The following H2AZ2 variants were observed in gnomAD, a reference collection of about 807,000 sequenced individuals.
H2AZ2 encodes the protein H2A.Z variant histone 2.
H2AZ2 carries 5 observed loss-of-function variants against 15.5 expected under a neutral mutation model. The ratio of observed to expected loss-of-function variants is 0.32; its 90% CI spans 0.17 to 0.68. The LOEUF is 0.68. Ranked by LOEUF, H2AZ2 falls within the 30% of genes least tolerant of loss-of-function variation. The probability of loss-of-function intolerance (pLI) is 0.72; values close to 1 mark genes in which losing one functional copy is unlikely to be tolerated. For missense variants in H2AZ2, 42 were observed against 162.5 expected, an observed-to-expected ratio of 0.26 and a Z score of 4.03; for synonymous variants, 44 against 57.4, an observed-to-expected ratio of 0.77 and a Z score of 1.05.
At chr7:44,835,955 CTTTT>C (rs56386314) in intron 3 of H2AZ2, among the ~76,000 whole-genome samples, 93 of 90,872 alleles carry the variant, frequency 1.0e-3, no homozygotes, top group African/African-American at 1.8e-3. Context: ...TTAGAAAAGT[CTTTT>C]TTTTTTTTTT....
At chr7:44,835,389 A>G (rs1793094769) in intron 4 of H2AZ2, 140 bp downstream of exon 4, 2 of 575,602 alleles carry the variant, frequency 3.5e-6, no homozygotes, top group African/African-American at 3.8e-5. Flanking sequence ...AAAAGCTTAG[A>G]ATTGTTATAG....
chr7:44,835,920 T>G (rs1793107610), intron 3 of H2AZ2, among the ~76,000 whole-genome samples: 1 of 151,440 alleles, frequency 6.6e-6, no homozygotes, highest in African/African-American at 2.4e-5. Flanking sequence ...TATTACCCCT[T>G]AGCCAAGATG....
rs150493528 is a variant in H2AZ2, at chr7:44,833,083, T to C, written c.*1418A>G. ...TTTTTTTTGAGACAGAGTCACACTCTGTCACCTAGGCTGGAGTGTAGTGGC... is the reference window on the plus strand; with the variant it reads ...TTTTTTTTGAGACAGAGTCACACTCCGTCACCTAGGCTGGAGTGTAGTGGC... On this transcript the variant is annotated 3_prime_UTR_variant, in exon 5 of 5. Transcript: ENST00000308153. Among the ~76,000 whole-genome samples, 2,411 of 152,226 alleles carry C rather than the reference T, an allele frequency of 0.016. 69 individuals are homozygous for C. Among genetic ancestry groups the C allele is most frequent in the African/African-American group, 0.055 (2,301 of 41,528 alleles).
In H2AZ2 at chr7:44,837,422, AAAAAAAAAAAG is replaced by A. The variant is rs1188300431; in HGVS notation, c.196-1775_196-1765del. ...TGGGCGACAGAGCAAGACTCTCAAAAAAAAAAAAAAGAAAAAAAAAAAAAAAAAAAAAGTTG... is the reference window on the plus strand; with the variant it reads ...TGGGCGACAGAGCAAGACTCTCAAAAAAAAAAAAAAAAAAAAAAAAAGTTG... On this transcript the variant is annotated intron_variant, in intron 3 of 4. Transcript: ENST00000308153. Among the ~76,000 whole-genome samples, 155 of 125,890 alleles carry A rather than the reference AAAAAAAAAAAG, an allele frequency of 1.2e-3. 1 individual carries two copies. Among genetic ancestry groups the A allele is most frequent in the Non-Finnish European group, 2.2e-3 (123 of 56,938 alleles). The allele number at this position is 125,890 out of a possible 152,430, so 82.6% of individuals were successfully genotyped here. A position where few individuals can be genotyped will look rare whatever the true frequency, so the allele number is the denominator to read the frequency against.
intron 1 of H2AZ2, among the ~76,000 whole-genome samples, chr7:44,846,601 T>G (rs1378348507): frequency 2.3e-5 from 3 of 133,102 alleles, no homozygotes; most frequent in Non-Finnish European, 4.6e-5. Context: ...AGAGTGAGAC[T>G]CCGTCTCAAA....
Position 44,834,617 on chromosome 7 carries a change from A to G in H2AZ2, c.326-55T>C, listed in dbSNP as rs1004236178. ...AACTTTTAAAGTTTTTGCCTCAAGT[A>G]AAAAGTTAATTATAGAAAAAATGAA... On this transcript the variant is annotated intron_variant, in intron 4 of 4. Transcript: ENST00000308153. The G allele has an allele frequency of 4.2e-5, 61 of 1,466,598 alleles. No homozygotes were observed. The African/African-American group carries it at 8.2e-4, about 20-fold the overall frequency. 90.8% of individuals were successfully genotyped at this position (1,466,598 alleles called of 1,614,324 possible).
At chr7:44,835,783 T>C in intron 3 of H2AZ2, 125 bp from the exon 4 acceptor site, 1 of 785,244 alleles carries the variant, frequency 1.3e-6, no homozygotes, top group South Asian at 2.8e-5. Flanking sequence ...TTTTCTTTCT[T>C]GTATTTCTAT....
chr7:44,831,709 G>A (rs952692756), downstream of H2AZ2, among the ~76,000 whole-genome samples: 1 of 152,138 alleles, frequency 6.6e-6, no homozygotes, highest in African/African-American at 2.4e-5. Flanking sequence ...CCAGCTAATA[G>A]ATGCAGAAGG....
At position 44,835,472 on chromosome 7, in the gene H2AZ2, A is replaced by G; in HGVS notation, c.325+57T>C. The G allele has an allele frequency of 2.7e-6, 4 of 1,485,364 alleles. No individual in the cohort carries two copies. The South Asian group carries it at 4.7e-5, about 17-fold the overall frequency. 92.0% of individuals were successfully genotyped at this position (1,485,364 alleles called of 1,614,324 possible). On this transcript the variant is annotated intron_variant, in intron 4 of 4. Coordinates refer to ENST00000308153, the MANE Select transcript of H2AZ2 (RefSeq NM_012412.5). ...TCAAATATACTATATCATTGATCTG[A>G]ACGATATATTAGTCAGAAAGACCAA...
intron 1 of H2AZ2, among the ~76,000 whole-genome samples, chr7:44,847,175 A>G (rs1793431776): frequency 6.6e-6 from 1 of 152,216 alleles, no homozygotes; most frequent in Non-Finnish European, 1.5e-5. Context: ...TATTATTTTT[A>G]CACAATCTTT....
At chr7:44,835,964 T>G in intron 3 of H2AZ2, among the ~76,000 whole-genome samples, 1 of 148,368 alleles carries the variant, frequency 6.7e-6, no homozygotes, top group Non-Finnish European at 1.5e-5. Context: ...TCTTTTTTTT[T>G]TTTTTTTTTT....
downstream of H2AZ2, among the ~76,000 whole-genome samples, chr7:44,830,809 C>T (rs1015694421): frequency 6.6e-6 from 1 of 152,036 alleles, no homozygotes; most frequent in African/African-American, 2.4e-5. Flanking sequence ...ACCAGCCTGG[C>T]CAACATGGTG....
intron 3 of H2AZ2, among the ~76,000 whole-genome samples, chr7:44,836,426 C>A (rs1793124604): frequency 6.6e-6 from 1 of 152,102 alleles, no homozygotes; most frequent in South Asian, 2.1e-4. Context: ...GTGTCAAACC[C>A]TTGGCCTCAA....
At chr7:44,839,538 C>T (rs1266374461) in intron 3 of H2AZ2, among the ~76,000 whole-genome samples, 7 of 151,430 alleles carry the variant, frequency 4.6e-5, no homozygotes, top group African/African-American at 7.3e-5. Flanking sequence ...AAAAATTAGC[C>T]GGGCGTGGTG....
intron 1 of H2AZ2, among the ~76,000 whole-genome samples, chr7:44,846,289 A>G (rs1318650036): frequency 2.0e-5 from 3 of 152,194 alleles, no homozygotes; most frequent in Non-Finnish European, 2.9e-5. Context: ...GATATAAAAC[A>G]TATAGCGTAT....
At chr7:44,830,888 G>A (rs912784081), downstream of H2AZ2, among the ~76,000 whole-genome samples, 1 of 152,166 alleles carries the variant, frequency 6.6e-6, no homozygotes, top group African/African-American at 2.4e-5. Context: ...GGGCATGGTG[G>A]CGCATGCCTG....
intron 1 of H2AZ2, among the ~76,000 whole-genome samples, chr7:44,845,828 A>G (rs1161557290): frequency 1.3e-5 from 2 of 152,174 alleles, no homozygotes; most frequent in African/African-American, 4.8e-5. Context: ...ATGGTATCAA[A>G]CTTATCTGAA....
intron 3 of H2AZ2, among the ~76,000 whole-genome samples, chr7:44,838,031 C>T (rs1046518888): frequency 6.6e-6 from 1 of 151,704 alleles, no homozygotes; most frequent in Non-Finnish European, 1.5e-5. Context: ...AGTGCAGTGG[C>T]GCGATCTCGG....
chr7:44,844,242 T>C (rs1387621093), intron 1 of H2AZ2, among the ~76,000 whole-genome samples: 1 of 152,164 alleles, frequency 6.6e-6, no homozygotes, highest in East Asian at 1.9e-4. Context: ...CAAAATGATA[T>C]ACATATAATG....
Sources: allele counts gnomAD v4.1 joint callset (sites outside exome capture counted in the v4.1 genomes callset), GRCh38; gene constraint gnomAD v4.1.1; transcripts MANE v1.5; gene names NCBI Gene and HGNC (gene_info 2026-07-23, HGNC 2026-07-21).